CACNA1C: variants seen among roughly 807,000 people sequenced by gnomAD.
CACNA1C encodes voltage-dependent L-type calcium channel subunit alpha-1C.
Under a neutral mutation model 229.0 loss-of-function variants are expected in CACNA1C, and 30 were observed. That is an observed-to-expected ratio of 0.13 (90% CI 0.10 to 0.18). CACNA1C has a LOEUF of 0.18. Among genes scored for constraint, CACNA1C ranks in the 10% least tolerant of loss-of-function variants. CACNA1C has a pLI of 1.00. For synonymous variants in CACNA1C, 1,114 were observed against 1,132.5 expected, an observed-to-expected ratio of 0.98 and a Z score of 0.33; for missense variants, 1,658 against 2,845.0, an observed-to-expected ratio of 0.58 and a Z score of 9.49.
intron 4 of CACNA1C, among the ~76,000 whole-genome samples, chr12:2,450,538 A>T (rs1300103522): frequency 9.1e-6 from 1 of 110,054 alleles, no homozygotes; most frequent in Non-Finnish European, 1.7e-5. Flanking sequence ...TGGGCAACAG[A>T]GCGAGACTCC....
intron 3 of CACNA1C, 80 bp from the exon 4 acceptor site, chr12:2,448,896 G>T: frequency 1.6e-6 from 2 of 1,228,592 alleles, no homozygotes; most frequent in Non-Finnish European, 2.3e-6. Flanking sequence ...CCACCTACTT[G>T]TGAGATCTAC....
chr12:2,067,449 CGTGT>C lies in CACNA1C; in HGVS notation c.49+13868_49+13871del, dbSNP rs1555107490. Reference sequence around the variant, plus strand: ...GCTTAGGACTGTGGACTAGGATGCACGTGTGTGTGTGTGTGTGTGTGTGTGTGTG... The same window carrying C: ...GCTTAGGACTGTGGACTAGGATGCACGTGTGTGTGTGTGTGTGTGTGTGTG... On this transcript the variant is annotated intron_variant, in intron 1 of 46. Transcript: ENST00000399655. This position sits in a 1 kb window ranked among gnomAD's most constrained non-coding sequence, Gnocchi z 5.3. 0.092 allele frequency among the ~76,000 whole-genome samples: 12,995 copies of C among 141,440 alleles called. 706 individuals carry two copies. The highest frequency in any genetic ancestry group is 0.14 in the South Asian group (588 of 4,218). The allele number at this position is 141,440 out of a possible 152,430, so 92.8% of individuals were successfully genotyped here.
upstream of CACNA1C, chr12:2,049,532 A>G (rs1221805777): frequency 6.6e-6 from 1 of 152,256 alleles, no homozygotes; most frequent in Non-Finnish European, 1.5e-5. Context: ...TTCCAGAGTG[A>G]ATCATGCACT....
At chr12:2,063,236 C>T (rs1485417107) in intron 1 of CACNA1C, among the ~76,000 whole-genome samples, 2 of 151,828 alleles carry the variant, frequency 1.3e-5, no homozygotes, top group African/African-American at 4.8e-5. Context: ...ACTGCAACCT[C>T]CGACTCCCTG....
At chr12:2,371,534 A>G (rs2097862435) in intron 3 of CACNA1C, among the ~76,000 whole-genome samples, 1 of 152,080 alleles carries the variant, frequency 6.6e-6, no homozygotes, top group South Asian at 2.1e-4. Flanking sequence ...GGACCTGAGA[A>G]TTTGCATTTC....
At chr12:2,037,166 A>G (rs78545558) in intron 1 of CACNA1C, among the ~76,000 whole-genome samples, 3,950 of 152,252 alleles carry the variant, frequency 0.026, 176 homozygotes, top group African/African-American at 0.09. Flanking sequence ...TCATCTATAC[A>G]TAGGAGTAAA....
At position 2,236,265 on chromosome 12, in the gene CACNA1C, T is replaced by C. The variant is rs1265307866; in HGVS notation, c.477+115835T>C. Among the ~76,000 whole-genome samples the C allele has an allele frequency of 2.6e-5, 4 of 152,308 alleles. No homozygotes were observed. In the East Asian group the frequency reaches 7.7e-4, roughly 29 times the overall value. On this transcript the variant is annotated intron_variant, in intron 3 of 46. Coordinates refer to ENST00000399655, the MANE Select transcript of CACNA1C (RefSeq NM_000719.7). The stretch of plus-strand genomic sequence containing the variant: ...AGGTTCGGGTTGGGGCCTGAGAATC[T>C]CAGGTCCAGCAAGCTCCCAGGTAAT...
At chr12:2,017,956 A>G (rs570646220) in intron 1 of CACNA1C, among the ~76,000 whole-genome samples, 2 of 152,236 alleles carry the variant, frequency 1.3e-5, no homozygotes, top group Non-Finnish European at 2.9e-5. Flanking sequence ...TATTGTGTCT[A>G]CCAATGGGAG....
intron 3 of CACNA1C, among the ~76,000 whole-genome samples, chr12:2,290,770 C>T (rs182007251): frequency 3.3e-4 from 50 of 152,260 alleles, no homozygotes; most frequent in Middle Eastern, 3.4e-3. Flanking sequence ...CTCCTACCAG[C>T]GTGGAATGGT....
At chr12:2,341,776 T>A (rs1029897234) in intron 3 of CACNA1C, among the ~76,000 whole-genome samples, 8 of 152,196 alleles carry the variant, frequency 5.3e-5, no homozygotes, top group Non-Finnish European at 1.0e-4. Flanking sequence ...GGTAACTGAC[T>A]GGTTGATAAG....
At chr12:2,265,508 C>T (rs2082043373) in intron 3 of CACNA1C, among the ~76,000 whole-genome samples, 1 of 152,196 alleles carries the variant, frequency 6.6e-6, no homozygotes, top group Admixed American at 6.5e-5. Context: ...CTCCTGTACC[C>T]TATCTCATTC....
At chr12:2,540,724 G>A (rs7134785) in intron 9 of CACNA1C, among the ~76,000 whole-genome samples, 4,644 of 152,272 alleles carry the variant, frequency 0.03, 184 homozygotes, top group East Asian at 0.13. Flanking sequence ...CCCCATGCAC[G>A]GGAAAGACCA....
intron 3 of CACNA1C, among the ~76,000 whole-genome samples, chr12:2,210,349 A>G (rs540345609): frequency 7.9e-5 from 12 of 152,376 alleles, no homozygotes; most frequent in Non-Finnish European, 1.6e-4. Flanking sequence ...AGGCTGAAAC[A>G]GTGGCATCTG....
rs1301464839 is a variant in CACNA1C at position 1,971,233 on chromosome 12, G to A, written c.139+32G>A. On this transcript the variant is annotated intron_variant, in intron 1 of 46. Transcript: ENST00000682462. The surrounding 1 kb of genome is among the most constrained non-coding windows in gnomAD (Gnocchi z 4.2). ...AACCCTAAAGTGAAATAAAGAGTAGGAAGAACATGTTGAAATTTACTCTAA... is the reference window on the plus strand; with the variant it reads ...AACCCTAAAGTGAAATAAAGAGTAGAAAGAACATGTTGAAATTTACTCTAA... 8 of 1,226,412 alleles carry A rather than the reference G, an allele frequency of 6.5e-6. No homozygotes were observed. Among genetic ancestry groups the A allele is most frequent in the African/African-American group, 1.5e-5 (1 of 64,520 alleles). 76.0% of individuals were successfully genotyped at this position (1,226,412 alleles called of 1,614,324 possible).
At chr12:2,439,716 T>G (rs888386001) in intron 3 of CACNA1C, among the ~76,000 whole-genome samples, 2 of 143,488 alleles carry the variant, frequency 1.4e-5, no homozygotes, top group African/African-American at 5.4e-5. Flanking sequence ...TGAGAAGGGT[T>G]TTTTTTTTTT....
chr12:2,221,796 TA>T (rs777176815), intron 3 of CACNA1C: 14 of 152,214 alleles, frequency 9.2e-5, no homozygotes, highest in Non-Finnish European at 1.6e-4. Context: ...TCTCCTCTAT[TA>T]ATCACCAGAG....
At position 2,681,918 on chromosome 12, in the gene CACNA1C, G is replaced by A. The variant is rs545341047; in HGVS notation, c.5445-632G>A. On this transcript the variant is annotated intron_variant, in intron 42 of 46. Coordinates refer to ENST00000399655, the MANE Select transcript of CACNA1C (RefSeq NM_000719.7). Reference sequence around the variant, plus strand: ...AGGAAAAGGAAGAGGCCTTGGTCCAGAGCTAAAGATGACCTGACCCTGTCC... The same window carrying A: ...AGGAAAAGGAAGAGGCCTTGGTCCAAAGCTAAAGATGACCTGACCCTGTCC... 5.6e-6 allele frequency: 7 copies of A among 1,239,750 alleles called. No individual in the cohort carries two copies. In the South Asian group the frequency reaches 6.0e-5, roughly 11 times the overall value. 76.8% of individuals were successfully genotyped at this position (1,239,750 alleles called of 1,614,324 possible).
In CACNA1C at chr12:2,181,925, G is replaced by T. The variant is rs956194948; in HGVS notation, c.477+61495G>T. ...GCAGAGTGGGGGTAAACTGATTCTG[G>T]ATTACTCATTAATGTAGAACTCCGA... On this transcript the variant is annotated intron_variant, in intron 3 of 46. Coordinates refer to ENST00000399655, the MANE Select transcript of CACNA1C (RefSeq NM_000719.7). The surrounding 1 kb of genome is among the most constrained non-coding windows in gnomAD (Gnocchi z 4.0). 2.6e-5 allele frequency among the ~76,000 whole-genome samples: 4 copies of T among 151,958 alleles called. No homozygotes were observed. Among genetic ancestry groups the T allele is most frequent in the Non-Finnish European group, 5.9e-5 (4 of 67,988 alleles).
intron 1 of CACNA1C, among the ~76,000 whole-genome samples, chr12:1,990,099 G>A (rs75174111): frequency 6.6e-6 from 1 of 152,088 alleles, no homozygotes; most frequent in South Asian, 2.1e-4. Context: ...AAGGTTTCTT[G>A]GTTCAAGTGG....
Sources: allele counts gnomAD v4.1 joint callset (sites outside exome capture counted in the v4.1 genomes callset), GRCh38; gene constraint gnomAD v4.1.1; non-coding constraint Gnocchi (gnomAD v3.1); transcripts MANE v1.5; gene names NCBI Gene and HGNC (gene_info 2026-07-23, HGNC 2026-07-21).